Variants in LRP1B observed in about 807,000 individuals in gnomAD.
LRP1B encodes low-density lipoprotein receptor-related protein 1B.
In LRP1B, 217 loss-of-function variants were observed where a neutral mutation model predicts 556.6. That is an observed-to-expected ratio of 0.39 (90% CI 0.35 to 0.44). The LOEUF (loss-of-function observed/expected upper bound fraction) is 0.44, where lower values mean the gene tolerates loss of function less well. LRP1B is among the 20% of genes least tolerant of loss of function. The pLI is 1.00. For missense variants in LRP1B, 5,053 were observed against 5,620.8 expected (o/e 0.90, Z 3.23); for synonymous variants, 2,047 against 1,865.8 (o/e 1.10, Z -2.50).
chr2:141,351,064 T>A (rs1688426346), intron 3 of LRP1B, among the ~76,000 whole-genome samples: 1 of 152,016 alleles, frequency 6.6e-6, no homozygotes, highest in Non-Finnish European at 1.5e-5. Flanking sequence ...TTGTTTGAGA[T>A]CCATTTTTAT....
chr2:141,252,259 G>A (rs1473195909), intron 4 of LRP1B, among the ~76,000 whole-genome samples: 1 of 128,924 alleles, frequency 7.8e-6, no homozygotes, highest in Admixed American at 8.5e-5. Flanking sequence ...GGCAAATAAA[G>A]GAAAACATTC....
chr2:141,396,589 T>C (rs1406904934), intron 3 of LRP1B, among the ~76,000 whole-genome samples: 1 of 152,176 alleles, frequency 6.6e-6, no homozygotes, highest in African/African-American at 2.4e-5. Flanking sequence ...GCCCTGACGT[T>C]CTGACACTTT....
rs149300710 is a variant in LRP1B at position 140,414,622 on chromosome 2, A to G, written c.10414+27882T>C. On this transcript the variant is annotated intron_variant, in intron 66 of 90. Transcript: ENST00000389484. ...GCAAAGATTTCATTTTAATATGGAC[A>G]TTTATCAGTTCCCAAATAATAGTTT... is the stretch of plus-strand genomic sequence containing the variant. 7.1e-4 allele frequency among the ~76,000 whole-genome samples: 108 copies of G among 152,308 alleles called. 4 individuals are homozygous for G. The East Asian group carries it at 0.02, about 28-fold the overall frequency.
chr2:140,840,003 T>C lies in LRP1B; in HGVS notation c.5197A>G (p.Lys1733Glu). ...SNSKILFQNQ[K>E]EPVGLSIDYV... ...AAAAAATACTTACCAACTGGCTCCT[T>C]CTGATTCTGAAACAGAATCTTGCTA... is the stretch of plus-strand genomic sequence containing the variant. Residue 1733 changes from lysine to glutamate, a missense_variant, in exon 31 of 91, where the codon AAG (lysine) becomes GAG (glutamate). Coordinates refer to ENST00000389484, the MANE Select transcript of LRP1B (RefSeq NM_018557.3). The C allele has an allele frequency of 6.2e-7, 1 of 1,607,968 alleles. No homozygotes were observed. Among genetic ancestry groups the C allele is most frequent in the Non-Finnish European group, 8.5e-7 (1 of 1,177,592 alleles).
intron 11 of LRP1B, among the ~76,000 whole-genome samples, chr2:141,020,502 T>C (rs182195997): frequency 1.1e-4 from 16 of 152,150 alleles, no homozygotes; most frequent in Non-Finnish European, 1.6e-4. Context: ...AATCTACTAG[T>C]ACTGTGTCAG....
chr2:140,490,275 GATTA>G (rs1418082763), intron 57 of LRP1B, among the ~76,000 whole-genome samples: 7 of 152,178 alleles, frequency 4.6e-5, no homozygotes, highest in African/African-American at 1.7e-4. Context: ...AAAGGTACTT[GATTA>G]ATTTTCATTC....
chr2:140,280,148 G>T (rs1412499732), intron 84 of LRP1B, among the ~76,000 whole-genome samples: 3 of 151,750 alleles, frequency 2.0e-5, no homozygotes, highest in Non-Finnish European at 4.4e-5. Flanking sequence ...AGGCAGCAAA[G>T]GATGGCCTTC....
intron 2 of LRP1B, among the ~76,000 whole-genome samples, chr2:141,677,694 G>A (rs559508043): frequency 2.2e-4 from 33 of 152,120 alleles, no homozygotes; most frequent in Non-Finnish European, 4.3e-4. Context: ...TCTCCATGTT[G>A]TTCAGGCTGG....
intron 7 of LRP1B, among the ~76,000 whole-genome samples, chr2:141,145,279 G>A (rs995741130): frequency 1.3e-5 from 2 of 151,820 alleles, no homozygotes. Flanking sequence ...TTTAAATTTA[G>A]CTTAGTTCTA....
At chr2:140,457,386 A>T in intron 61 of LRP1B, 77 bp downstream of exon 61, 1 of 1,133,084 alleles carries the variant, frequency 8.8e-7, no homozygotes, top group Non-Finnish European at 1.3e-6. Flanking sequence ...AATTACATTT[A>T]ACCTTGAAAT....
intron 3 of LRP1B, among the ~76,000 whole-genome samples, chr2:141,469,339 T>C (rs1292799710): frequency 6.6e-6 from 1 of 152,224 alleles, no homozygotes; most frequent in Non-Finnish European, 1.5e-5. Context: ...AGAATATTAC[T>C]TAATGTATTG....
chr2:141,638,235 G>T (rs1327432892), intron 2 of LRP1B, among the ~76,000 whole-genome samples: 1 of 151,982 alleles, frequency 6.6e-6, no homozygotes, highest in African/African-American at 2.4e-5. Context: ...TACTCTGTGT[G>T]GCTCCCTCTC....
At chr2:141,419,067 C>T (rs4245856) in intron 3 of LRP1B, among the ~76,000 whole-genome samples, 148,909 of 152,142 alleles carry the variant, frequency 0.98, 72,955 homozygotes, top group East Asian at 1. Context: ...TATAATTTTA[C>T]TGATTTCCAA....
At chr2:140,879,121 A>G (rs1417031781) in intron 25 of LRP1B, among the ~76,000 whole-genome samples, 1 of 152,158 alleles carries the variant, frequency 6.6e-6, no homozygotes, top group Non-Finnish European at 1.5e-5. Flanking sequence ...TGTACTTCCC[A>G]CTCTGCAATG....
chr2:142,018,299 A>G (rs1245823709), intron 1 of LRP1B, among the ~76,000 whole-genome samples: 2 of 152,194 alleles, frequency 1.3e-5, no homozygotes, highest in Non-Finnish European at 2.9e-5. Flanking sequence ...TTGTAAATAA[A>G]TATCTCCCTT....
intron 32 of LRP1B, among the ~76,000 whole-genome samples, chr2:140,780,750 C>T (rs187817122): frequency 1.3e-5 from 2 of 152,280 alleles, no homozygotes; most frequent in East Asian, 3.9e-4. Context: ...CATTTGAACA[C>T]ATCTCTATGG....
rs574076094 is a variant in LRP1B, at chr2:141,388,183, C to T, written c.343+92213G>A. 7.2e-5 allele frequency among the ~76,000 whole-genome samples: 11 copies of T among 152,266 alleles called. No homozygotes were observed. In the South Asian group the frequency reaches 1.0e-3, roughly 14 times the overall value. ...GGGCGCAGTGGCTCACACCTGTAATCTCAGCACTTTGGGAGGCCAAGACAG... is the reference window on the plus strand; with the variant it reads ...GGGCGCAGTGGCTCACACCTGTAATTTCAGCACTTTGGGAGGCCAAGACAG... On this transcript the variant is annotated intron_variant, in intron 3 of 90. Coordinates refer to ENST00000389484, the MANE Select transcript of LRP1B (RefSeq NM_018557.3).
At chr2:141,393,688 T>A (rs4468759) in intron 3 of LRP1B, among the ~76,000 whole-genome samples, 2,028 of 152,176 alleles carry the variant, frequency 0.013, 44 homozygotes, top group African/African-American at 0.047. Flanking sequence ...TTTAACAGTA[T>A]AATGTATACT....
chr2:141,907,513 T>C (rs1699791746), intron 1 of LRP1B, among the ~76,000 whole-genome samples: 1 of 151,974 alleles, frequency 6.6e-6, no homozygotes, highest in Admixed American at 6.6e-5. Context: ...CTAGCTCTCT[T>C]ATTTTTAATT....
Sources: allele counts gnomAD v4.1 joint callset (sites outside exome capture counted in the v4.1 genomes callset), GRCh38; gene constraint gnomAD v4.1.1; transcripts MANE v1.5; gene names NCBI Gene and HGNC (gene_info 2026-07-23, HGNC 2026-07-21).